Variants in ZNF654 observed in about 807,000 individuals in gnomAD.
The protein encoded by ZNF654 is melanoma-associated antigen.
In ZNF654, 19 loss-of-function variants were observed where a neutral mutation model predicts 95.3. That is an observed-to-expected ratio of 0.20 (90% CI 0.14 to 0.29). ZNF654 has a LOEUF of 0.29. ZNF654 is among the 10% of genes least tolerant of loss of function. The pLI, the probability that ZNF654 is intolerant of heterozygous loss-of-function variation, is 1.00. For missense variants in ZNF654, 1,046 were observed against 1,341.0 expected (o/e 0.78, Z 3.44); for synonymous variants, 413 against 457.9 (o/e 0.90, Z 1.25).
chr3:88,103,261 C>T (rs139354784), intron 2 of ZNF654, among the ~76,000 whole-genome samples: 1 of 151,992 alleles, frequency 6.6e-6, no homozygotes, highest in African/African-American at 2.4e-5. Context: ...ACAGATAATA[C>T]GTTTGAGCAG....
At chr3:88,100,078 G>A (rs1423749687) in intron 2 of ZNF654, among the ~76,000 whole-genome samples, 1 of 152,176 alleles carries the variant, frequency 6.6e-6, no homozygotes, top group Non-Finnish European at 1.5e-5. Context: ...CTACCCATCT[G>A]ACAAAGGGCT....
chr3:88,113,670 C>G (rs1705224789), intron 3 of ZNF654, among the ~76,000 whole-genome samples: 1 of 152,088 alleles, frequency 6.6e-6, no homozygotes, highest in Non-Finnish European at 1.5e-5. Context: ...GTCAAGACCT[C>G]TCCTGTAGAT....
intron 5 of ZNF654, 55 bp downstream of exon 5, chr3:88,129,066 C>CA: frequency 8.0e-7 from 1 of 1,250,086 alleles, no homozygotes; most frequent in African/African-American, 1.6e-5. Context: ...CAAAAAAAAA[C>CA]CAAAAAAAAA....
intron 7 of ZNF654, among the ~76,000 whole-genome samples, chr3:88,137,490 T>G (rs1706868307): frequency 6.6e-6 from 1 of 152,092 alleles, no homozygotes. Context: ...TAGGGAGACA[T>G]AAAAAATGAG....
chr3:88,121,346 A>T (rs1705758974), intron 3 of ZNF654, among the ~76,000 whole-genome samples: 1 of 152,172 alleles, frequency 6.6e-6, no homozygotes, highest in South Asian at 2.1e-4. Flanking sequence ...TTAATGGCAT[A>T]ATAGAAGCAT....
At position 88,143,382 on chromosome 3, in the gene ZNF654, TA is replaced by T. The variant is rs947963287; in HGVS notation, c.*1734del. On this transcript the variant is annotated 3_prime_UTR_variant, in exon 9 of 9. Transcript: ENST00000636215. ...TAGGTAACTAAACACAGCTCATAATTAAAATCTTTTCTTTAAGGTCAGCTAA... is the reference window on the plus strand; with the variant it reads ...TAGGTAACTAAACACAGCTCATAATTAAATCTTTTCTTTAAGGTCAGCTAA... The T allele has an allele frequency of 1.5e-4, 23 of 152,304 alleles. No individual in the cohort carries two copies. The highest frequency in any genetic ancestry group is 5.6e-4 in the African/African-American group (23 of 41,430). 9.4% of individuals were successfully genotyped at this position (152,304 alleles called of 1,614,324 possible). A position where few individuals can be genotyped will look rare whatever the true frequency, so the allele number is the denominator to read the frequency against.
intron 1 of ZNF654, among the ~76,000 whole-genome samples, chr3:88,080,639 C>T (rs1708030177): frequency 6.6e-6 from 1 of 151,974 alleles, no homozygotes; most frequent in Admixed American, 6.6e-5. Flanking sequence ...TGCCAATTTA[C>T]CTGCTTTATT....
intron 2 of ZNF654, among the ~76,000 whole-genome samples, chr3:88,088,757 TATGTATGGATGG>T (rs1429707578): frequency 3.8e-4 from 36 of 94,470 alleles, no homozygotes; most frequent in East Asian, 1.0e-3. Flanking sequence ...TGTATGTATG[TATGTATGGATGG>T]ATGGATGGAT....
At chr3:88,088,564 A>T (rs1708457424) in intron 2 of ZNF654, among the ~76,000 whole-genome samples, 1 of 152,220 alleles carries the variant, frequency 6.6e-6, no homozygotes, top group African/African-American at 2.4e-5. Context: ...TGGAAGATGT[A>T]AAGCTGAAGA....
At chr3:88,064,008 G>C (rs961406559) in intron 1 of ZNF654, among the ~76,000 whole-genome samples, 2 of 151,982 alleles carry the variant, frequency 1.3e-5, no homozygotes, top group Non-Finnish European at 2.9e-5. Context: ...AAGAATGTTA[G>C]GAAATTTTTC....
chr3:88,063,463 TAA>T (rs1707006140), intron 1 of ZNF654, among the ~76,000 whole-genome samples: 1 of 152,206 alleles, frequency 6.6e-6, no homozygotes, highest in Non-Finnish European at 1.5e-5. Flanking sequence ...TAATGTCTCT[TAA>T]TTTAGAGAAA....
At chr3:88,112,594 T>C (rs542915430) in intron 2 of ZNF654, among the ~76,000 whole-genome samples, 2 of 152,184 alleles carry the variant, frequency 1.3e-5, no homozygotes, top group Admixed American at 6.5e-5. Flanking sequence ...TGAGGAACCA[T>C]GTGTCATTTA....
chr3:88,080,455 T>C (rs1475982143), intron 1 of ZNF654, among the ~76,000 whole-genome samples: 1 of 152,182 alleles, frequency 6.6e-6, no homozygotes, highest in Non-Finnish European at 1.5e-5. Flanking sequence ...TTTTAATATA[T>C]GTCTTATTTA....
intron 3 of ZNF654, among the ~76,000 whole-genome samples, chr3:88,116,636 GTA>G (rs1705424085): frequency 6.6e-6 from 1 of 151,092 alleles, no homozygotes; most frequent in Admixed American, 6.6e-5. Context: ...GTATATATAT[GTA>G]TATATATGGC....
At chr3:88,068,695 G>A (rs762032744) in intron 1 of ZNF654, among the ~76,000 whole-genome samples, 8 of 151,988 alleles carry the variant, frequency 5.3e-5, no homozygotes, top group Non-Finnish European at 8.8e-5. Flanking sequence ...CATGAATCAG[G>A]GATTGTGATA....
At chr3:88,132,590 TC>T (rs1488554327) in intron 6 of ZNF654, among the ~76,000 whole-genome samples, 1 of 152,210 alleles carries the variant, frequency 6.6e-6, no homozygotes, top group Admixed American at 6.5e-5. Flanking sequence ...CATAACACTA[TC>T]CTAAGATTTC....
At chr3:88,080,253 T>C (rs548283223) in intron 1 of ZNF654, among the ~76,000 whole-genome samples, 103 of 152,244 alleles carry the variant, frequency 6.8e-4, no homozygotes, top group Non-Finnish European at 1.1e-3. Context: ...GAGTAAAATT[T>C]GTTGTAATTA....
intron 2 of ZNF654, among the ~76,000 whole-genome samples, chr3:88,103,386 C>T (rs1347484720): frequency 6.6e-6 from 1 of 152,116 alleles, no homozygotes; most frequent in Non-Finnish European, 1.5e-5. Flanking sequence ...AGACTTAATG[C>T]AGCTAAAGAA....
At chr3:88,131,997 C>T (rs1287207732) in intron 6 of ZNF654, among the ~76,000 whole-genome samples, 2 of 152,132 alleles carry the variant, frequency 1.3e-5, no homozygotes, top group African/African-American at 4.8e-5. Context: ...CCCCTTTCTC[C>T]TTCACAATCA....
Sources: allele counts gnomAD v4.1 joint callset (sites outside exome capture counted in the v4.1 genomes callset), GRCh38; gene constraint gnomAD v4.1.1; transcripts MANE v1.5; gene names NCBI Gene and HGNC (gene_info 2026-07-23, HGNC 2026-07-21).